The following SIL1 variants were observed in gnomAD, a reference collection of about 807,000 sequenced individuals.
SIL1 encodes SIL1 nucleotide exchange factor.
SIL1 carries 40 observed loss-of-function variants against 49.1 expected under a neutral mutation model. That is an observed-to-expected ratio of 0.81 (90% CI 0.63 to 1.06). The LOEUF (loss-of-function observed/expected upper bound fraction) is 1.06, where lower values mean the gene tolerates loss of function less well. Ranked by LOEUF, SIL1 falls within the 50% of genes least tolerant of loss-of-function variation. SIL1 has a pLI of 0.00. For missense variants in SIL1, 500 were observed against 572.6 expected (o/e 0.87, Z 1.29); for synonymous variants, 253 against 250.8 (o/e 1.01, Z -0.08).
At chr5:139,005,188 A>G (rs1768083147) in intron 7 of SIL1, among the ~76,000 whole-genome samples, 1 of 152,144 alleles carries the variant, frequency 6.6e-6, no homozygotes, top group African/African-American at 2.4e-5. Context: ...TCCAGAATGT[A>G]TATATATTTT....
At chr5:139,104,277 T>A (rs1770655085) in intron 3 of SIL1, among the ~76,000 whole-genome samples, 1 of 152,092 alleles carries the variant, frequency 6.6e-6, no homozygotes, top group South Asian at 2.1e-4. Flanking sequence ...ACGCCAACAA[T>A]GGGTCGAGCA....
chr5:139,150,468 CT>C (rs372269566), intron 1 of SIL1, among the ~76,000 whole-genome samples: 6 of 152,242 alleles, frequency 3.9e-5, no homozygotes, highest in Admixed American at 1.3e-4. Flanking sequence ...GTCCCTCCCC[CT>C]ATGCTCCTGT....
intron 1 of SIL1, among the ~76,000 whole-genome samples, chr5:139,138,744 C>T (rs1482590585): frequency 6.6e-6 from 1 of 152,168 alleles, no homozygotes; most frequent in East Asian, 1.9e-4. Context: ...GCTCATAAAG[C>T]TTATAGCTCT....
At chr5:139,130,335 T>C (rs1431740794) in intron 1 of SIL1, among the ~76,000 whole-genome samples, 1 of 152,008 alleles carries the variant, frequency 6.6e-6, no homozygotes, top group African/African-American at 2.4e-5. Flanking sequence ...TAAACATTTC[T>C]CCAAAGAAGA....
intron 7 of SIL1, chr5:138,953,398 C>G (rs1766829135): frequency 6.6e-6 from 1 of 152,360 alleles, no homozygotes; most frequent in Admixed American, 6.5e-5. Context: ...GATAGCTCCC[C>G]ACTTCTATTC....
At chr5:139,181,145 C>T (rs930200513) in intron 1 of SIL1, among the ~76,000 whole-genome samples, 5 of 152,144 alleles carry the variant, frequency 3.3e-5, no homozygotes, top group African/African-American at 1.2e-4. Context: ...TTAAACAGTA[C>T]ATAAGCAATA....
intron 7 of SIL1, among the ~76,000 whole-genome samples, chr5:138,987,899 T>A (rs1239396834): frequency 6.6e-6 from 1 of 152,220 alleles, no homozygotes; most frequent in Non-Finnish European, 1.5e-5. Flanking sequence ...TGCAATGGCG[T>A]GATCTCGGCT....
chr5:139,155,640 G>C (rs1561883286), intron 1 of SIL1, among the ~76,000 whole-genome samples: 1 of 152,154 alleles, frequency 6.6e-6, no homozygotes, highest in East Asian at 1.9e-4. Context: ...GGAGACACAA[G>C]CATTCAGTCA....
At chr5:138,953,544 C>T (rs1766832383) in intron 7 of SIL1, 2 of 152,324 alleles carry the variant, frequency 1.3e-5, no homozygotes, top group African/African-American at 2.4e-5. Context: ...GGTGCCAGCC[C>T]GTCCCACAGC....
At chr5:138,987,037 G>A (rs764686691) in intron 7 of SIL1, among the ~76,000 whole-genome samples, 27 of 150,722 alleles carry the variant, frequency 1.8e-4, no homozygotes, top group Non-Finnish European at 3.3e-4. Context: ...AAAAAAATTG[G>A]GTCAATTTGA....
intron 5 of SIL1, among the ~76,000 whole-genome samples, chr5:139,039,131 T>A (rs567617260): frequency 2.6e-5 from 4 of 152,248 alleles, no homozygotes; most frequent in Non-Finnish European, 5.9e-5. Flanking sequence ...AAAGTCAAGC[T>A]CTCTGCTCAG....
chr5:139,002,391 G>GT (rs1768007200), intron 7 of SIL1, among the ~76,000 whole-genome samples: 1 of 152,024 alleles, frequency 6.6e-6, no homozygotes, highest in African/African-American at 2.4e-5. Flanking sequence ...GGTAGTGAGC[G>GT]TAAGATTTTC....
intron 1 of SIL1, among the ~76,000 whole-genome samples, chr5:139,168,974 A>C (rs77756557): frequency 6.6e-6 from 1 of 151,574 alleles, no homozygotes; most frequent in Non-Finnish European, 1.5e-5. Flanking sequence ...AAAAAAAAAA[A>C]CTGAATTTTT....
At chr5:139,058,027 C>T (rs926294099) in intron 3 of SIL1, among the ~76,000 whole-genome samples, 14 of 152,150 alleles carry the variant, frequency 9.2e-5, no homozygotes, top group African/African-American at 1.9e-4. Flanking sequence ...CCCAAATGTC[C>T]ATCATGTGAT....
intron 3 of SIL1, among the ~76,000 whole-genome samples, chr5:139,091,214 G>A (rs1320215069): frequency 2.0e-5 from 3 of 151,748 alleles, no homozygotes. Flanking sequence ...ATTTGATTAT[G>A]CAAAAATAAA....
At chr5:138,967,059 C>T (rs1486051057) in intron 7 of SIL1, among the ~76,000 whole-genome samples, 1 of 152,102 alleles carries the variant, frequency 6.6e-6, no homozygotes, top group Non-Finnish European at 1.5e-5. Context: ...ATTATGATGC[C>T]CTGGCAACAT....
intron 1 of SIL1, among the ~76,000 whole-genome samples, chr5:139,177,575 A>G (rs898097195): frequency 1.3e-5 from 2 of 152,150 alleles, no homozygotes; most frequent in East Asian, 3.9e-4. Context: ...GCCCCAGTCC[A>G]AGGGCCAAGC....
chr5:139,026,006 C>T (rs559504410), intron 6 of SIL1, among the ~76,000 whole-genome samples: 1 of 152,098 alleles, frequency 6.6e-6, no homozygotes, highest in Admixed American at 6.5e-5. Context: ...CTGCTCTAGT[C>T]CCCCCTCTTC....
chr5:139,075,477 G>T (rs1442549583), intron 3 of SIL1, among the ~76,000 whole-genome samples: 1 of 152,082 alleles, frequency 6.6e-6, no homozygotes, highest in South Asian at 2.1e-4. Context: ...TAGTTTTTAT[G>T]TCTACTCCTA....
Sources: gnomAD v4.1 joint callset for allele counts (sites outside exome capture counted in the v4.1 genomes callset) on GRCh38, gnomAD v4.1.1 for gene constraint, MANE v1.5 for transcripts, NCBI Gene and HGNC (gene_info 2026-07-23, HGNC 2026-07-21) for gene names.